Variants in TMEM108 observed in about 807,000 individuals in gnomAD.
TMEM108 encodes the protein cancer/testis antigen 124.
In TMEM108, 12 loss-of-function variants were observed where a neutral mutation model predicts 35.1. The ratio of observed to expected loss-of-function variants is 0.34; its 90% CI spans 0.22 to 0.55. TMEM108 has a LOEUF of 0.55. Among genes scored for constraint, TMEM108 ranks in the 20% least tolerant of loss-of-function variants. The pLI is 0.89. For synonymous variants in TMEM108, 287 were observed against 308.6 expected, an observed-to-expected ratio of 0.93 and a Z score of 0.73; for missense variants, 680 against 753.3, an observed-to-expected ratio of 0.90 and a Z score of 1.14.
chr3:133,278,742 G>A (rs1475264529), intron 3 of TMEM108, among the ~76,000 whole-genome samples: 1 of 152,132 alleles, frequency 6.6e-6, no homozygotes, highest in Non-Finnish European at 1.5e-5. Flanking sequence ...ATGTCCTTAT[G>A]TGGCACGTGA....
intron 3 of TMEM108, among the ~76,000 whole-genome samples, chr3:133,374,542 T>TTATATATA (rs10580755): frequency 7.5e-5 from 11 of 145,788 alleles, no homozygotes; most frequent in African/African-American, 1.3e-4. Context: ...ATAATTTTTG[T>TTATATATA]TATATATATA....
At chr3:133,299,808 A>G (rs1947194460) in intron 3 of TMEM108, among the ~76,000 whole-genome samples, 4 of 152,140 alleles carry the variant, frequency 2.6e-5, no homozygotes, top group Admixed American at 2.6e-4. Flanking sequence ...GGACCATCCC[A>G]GTTTTAACAA....
chr3:133,142,731 C>T (rs990313886), intron 2 of TMEM108, among the ~76,000 whole-genome samples: 2 of 152,164 alleles, frequency 1.3e-5, no homozygotes, highest in Non-Finnish European at 2.9e-5. Context: ...ATCTGTGCCC[C>T]CTCATTAGGG....
At chr3:133,155,715 T>C (rs1576349531) in intron 2 of TMEM108, among the ~76,000 whole-genome samples, 1 of 152,120 alleles carries the variant, frequency 6.6e-6, no homozygotes, top group East Asian at 1.9e-4. Flanking sequence ...TTTTTGCTTG[T>C]ACATTTGTTT....
intron 3 of TMEM108, among the ~76,000 whole-genome samples, chr3:133,332,662 C>T (rs1198433660): frequency 3.9e-5 from 6 of 152,170 alleles, no homozygotes; most frequent in African/African-American, 7.2e-5. Flanking sequence ...TATTTCAAGA[C>T]GTTTCTCAAA....
chr3:133,050,071 A>G (rs923749776), intron 2 of TMEM108, among the ~76,000 whole-genome samples: 3 of 152,176 alleles, frequency 2.0e-5, no homozygotes, highest in Non-Finnish European at 2.9e-5. Flanking sequence ...TTATAATTAG[A>G]ACAAATGAAA....
chr3:133,121,750 A>G (rs1334957703), intron 2 of TMEM108, among the ~76,000 whole-genome samples: 2 of 152,216 alleles, frequency 1.3e-5, no homozygotes, highest in African/African-American at 2.4e-5. Flanking sequence ...GGCAATGTCA[A>G]GAGCATTCTG....
At chr3:133,216,532 A>G (rs1466282269) in intron 2 of TMEM108, among the ~76,000 whole-genome samples, 3 of 152,160 alleles carry the variant, frequency 2.0e-5, no homozygotes, top group Non-Finnish European at 4.4e-5. Context: ...ATGTTATACA[A>G]TAAATCTTTT....
At chr3:133,191,149 A>G (rs957147835) in intron 2 of TMEM108, among the ~76,000 whole-genome samples, 13 of 152,170 alleles carry the variant, frequency 8.5e-5, no homozygotes, top group Non-Finnish European at 1.6e-4. Context: ...ATAGAACTCA[A>G]GGATTGGGGT....
intron 2 of TMEM108, among the ~76,000 whole-genome samples, chr3:133,062,875 G>A (rs932843433): frequency 3.9e-5 from 6 of 152,176 alleles, no homozygotes; most frequent in African/African-American, 1.2e-4. Context: ...TGAAGTGAAC[G>A]AGGCCATGTT....
chr3:133,341,005 G>A (rs560154147), intron 3 of TMEM108, among the ~76,000 whole-genome samples: 5 of 151,796 alleles, frequency 3.3e-5, no homozygotes, highest in African/African-American at 1.2e-4. Flanking sequence ...TCTAGAACAC[G>A]GCAAGGATGC....
chr3:133,333,066 G>T (rs1379188731), intron 3 of TMEM108, among the ~76,000 whole-genome samples: 1 of 152,160 alleles, frequency 6.6e-6, no homozygotes, highest in African/African-American at 2.4e-5. Flanking sequence ...TCCTTGTAGG[G>T]TGAAGGTCTC....
chr3:133,240,674 G>C (rs1946300498), intron 3 of TMEM108, among the ~76,000 whole-genome samples: 2 of 152,154 alleles, frequency 1.3e-5, no homozygotes, highest in Admixed American at 1.3e-4. Flanking sequence ...CTCTCATGTT[G>C]TCTCTTACTA....
chr3:133,115,015 C>A (rs1944270152), intron 2 of TMEM108, among the ~76,000 whole-genome samples: 1 of 152,136 alleles, frequency 6.6e-6, no homozygotes, highest in African/African-American at 2.4e-5. Flanking sequence ...GCAGCCACAT[C>A]CTGAAATCAA....
At chr3:133,284,044 T>C (rs112439412) in intron 3 of TMEM108, among the ~76,000 whole-genome samples, 126 of 152,310 alleles carry the variant, frequency 8.3e-4, no homozygotes, top group African/African-American at 3.0e-3. Context: ...GGAAGTCTTC[T>C]TGACCACTGG....
rs2071818407 is a variant in TMEM108, at chr3:133,346,403, C to T, written c.41-33349C>T. Among the ~76,000 whole-genome samples, 2 of 151,912 alleles carry T rather than the reference C, an allele frequency of 1.3e-5. No homozygotes were observed. Among genetic ancestry groups the T allele is most frequent in the Admixed American group, 6.6e-5 (1 of 15,212 alleles). ...CCCATTGTTGTTTTAATTGACAGTT[C>T]TCTAATGACATATGACATTGAACAT... On this transcript the variant is annotated intron_variant, in intron 3 of 5. Transcript: ENST00000321871. The surrounding 1 kb of genome is among the most constrained non-coding windows in gnomAD (Gnocchi z 4.0).
rs758193055 is a variant in TMEM108, at chr3:133,297,933, G to C, written c.40+68582G>C. On this transcript the variant is annotated intron_variant, in intron 3 of 5. Coordinates refer to ENST00000321871, the MANE Select transcript of TMEM108 (RefSeq NM_023943.4). ...TTGACACCTCTTTCCCATTATTGGA[G>C]ATACTTATTTCACTAAATGTGCACA... 2.2e-4 allele frequency among the ~76,000 whole-genome samples: 33 copies of C among 152,248 alleles called. No individual in the cohort carries two copies. The South Asian group carries it at 5.0e-3, about 23-fold the overall frequency.
rs527848880 is a variant in TMEM108, at chr3:133,142,619, G to A, written c.-46-86647G>A. The stretch of plus-strand genomic sequence containing the variant: ...ACATCACATCCCAGGCATAAAGTTC[G>A]TTCTAGAAATCAGGCCTTACAAGTA... On this transcript the variant is annotated intron_variant, in intron 2 of 5. Transcript: ENST00000321871. Among the ~76,000 whole-genome samples the A allele has an allele frequency of 3.3e-5, 5 of 152,250 alleles. No homozygotes were observed. The South Asian group carries it at 1.0e-3, about 32-fold the overall frequency.
chr3:133,281,050 T>C lies in TMEM108; in HGVS notation c.40+51699T>C, dbSNP rs74987784. Among the ~76,000 whole-genome samples the C allele has an allele frequency of 3.4e-3, 520 of 152,288 alleles. 1 individual carries two copies. The highest frequency in any genetic ancestry group is 6.2e-3 in the Non-Finnish European group (420 of 68,024). On this transcript the variant is annotated intron_variant, in intron 3 of 5. Transcript: ENST00000321871. ...AAGGAATGGGAAAATAAACTTCACC[T>C]CTTGATGGGAAAGAATTTCAGAGTC...
Sources: gnomAD v4.1 joint callset for allele counts (sites outside exome capture counted in the v4.1 genomes callset) on GRCh38, gnomAD v4.1.1 for gene constraint, Gnocchi (gnomAD v3.1) non-coding constraint, MANE v1.5 for transcripts, NCBI Gene and HGNC (gene_info 2026-07-23, HGNC 2026-07-21) for gene names.